Variants in PHACTR1 observed in about 807,000 individuals in gnomAD.
PHACTR1 encodes the protein RPEL repeat containing 1.
In PHACTR1, 16 loss-of-function variants were observed where a neutral mutation model predicts 69.2. The observed-to-expected ratio is 0.23, with a 90% CI of 0.16 to 0.35. PHACTR1 has a LOEUF of 0.35. PHACTR1 is among the 10% of genes least tolerant of loss of function. The pLI is 1.00. For synonymous variants in PHACTR1, 312 were observed against 284.5 expected (o/e 1.10, Z -0.97); for missense variants, 510 against 734.7 (o/e 0.69, Z 3.54).
chr6:13,210,142 G>A (rs1406503145), intron 8 of PHACTR1, among the ~76,000 whole-genome samples: 1 of 151,990 alleles, frequency 6.6e-6, no homozygotes, highest in Non-Finnish European at 1.5e-5. Flanking sequence ...TGAGTAGCTG[G>A]GATCACGGGT....
chr6:12,911,073 A>G (rs933819659), intron 4 of PHACTR1, among the ~76,000 whole-genome samples: 1 of 152,204 alleles, frequency 6.6e-6, no homozygotes, highest in African/African-American at 2.4e-5. Flanking sequence ...TCACAACCTC[A>G]CAAACAGTTT....
At chr6:12,933,817 G>C in intron 4 of PHACTR1, 2 of 1,612,790 alleles carry the variant, frequency 1.2e-6, no homozygotes, top group Non-Finnish European at 1.7e-6. Flanking sequence ...TCTCTACTCA[G>C]GGTATGAGCC....
intron 4 of PHACTR1, among the ~76,000 whole-genome samples, chr6:12,867,588 G>A (rs1018090989): frequency 1.3e-5 from 2 of 152,138 alleles, no homozygotes; most frequent in African/African-American, 4.8e-5. Context: ...AATGAATGGA[G>A]GAATTAGAAT....
chr6:12,800,906 AAAAG>A (rs1038420951), intron 4 of PHACTR1, among the ~76,000 whole-genome samples: 15 of 151,902 alleles, frequency 9.9e-5, no homozygotes, highest in African/African-American at 3.4e-4. Flanking sequence ...AAAGAAAAAA[AAAAG>A]AAGGAAGATA....
chr6:13,088,672 C>T (rs879689797), intron 5 of PHACTR1, among the ~76,000 whole-genome samples: 4 of 152,166 alleles, frequency 2.6e-5, no homozygotes, highest in Non-Finnish European at 1.5e-5. Context: ...ACCCTAGTTT[C>T]TGTATAAGAT....
chr6:13,239,114 T>G (rs532848011), intron 10 of PHACTR1, among the ~76,000 whole-genome samples: 9 of 152,232 alleles, frequency 5.9e-5, no homozygotes, highest in African/African-American at 2.2e-4. Context: ...GCCCTGGTAT[T>G]CGCTCATCTT....
At chr6:13,134,860 C>G (rs1821302007) in intron 5 of PHACTR1, among the ~76,000 whole-genome samples, 2 of 150,382 alleles carry the variant, frequency 1.3e-5, no homozygotes, top group African/African-American at 4.9e-5. Flanking sequence ...GACTCTACGT[C>G]CATTTCAGGG....
chr6:13,113,280 G>A (rs1817318090), intron 5 of PHACTR1, among the ~76,000 whole-genome samples: 1 of 152,122 alleles, frequency 6.6e-6, no homozygotes, highest in African/African-American at 2.4e-5. Flanking sequence ...GAAGAAGTAG[G>A]AATCTGAGTA....
chr6:12,942,148 A>T (rs756434146), intron 4 of PHACTR1, among the ~76,000 whole-genome samples: 1 of 152,214 alleles, frequency 6.6e-6, no homozygotes, highest in Non-Finnish European at 1.5e-5. Flanking sequence ...ACCCTTGAGG[A>T]AACAGAATAT....
chr6:13,088,045 G>A (rs1038861001), intron 5 of PHACTR1, among the ~76,000 whole-genome samples: 2 of 152,096 alleles, frequency 1.3e-5, no homozygotes, highest in African/African-American at 4.8e-5. Flanking sequence ...AGGTAAGAGA[G>A]AAGAGTGTTC....
At chr6:12,775,187 G>A (rs555355143) in intron 4 of PHACTR1, among the ~76,000 whole-genome samples, 11 of 152,126 alleles carry the variant, frequency 7.2e-5, no homozygotes, top group East Asian at 5.8e-4. Context: ...CACACATGCT[G>A]TACCACATTT....
At chr6:13,023,808 G>A (rs572965085) in intron 4 of PHACTR1, among the ~76,000 whole-genome samples, 4 of 152,246 alleles carry the variant, frequency 2.6e-5, no homozygotes, top group Non-Finnish European at 5.9e-5. Flanking sequence ...CGGGCACAAT[G>A]GCTCATGCCT....
At position 13,227,813 on chromosome 6, in the gene PHACTR1, C is replaced by T. The variant is rs747305423; in HGVS notation, c.987-3C>T. ...TTCCTCTTTCCTCCTTGTCTTTAAA[C>T]AGCTCTGAGCAGCGGGTCCCCTGTT... On this transcript the variant is annotated splice_region_variant and splice_polypyrimidine_tract_variant and intron_variant, in intron 8 of 14. Coordinates refer to ENST00000332995, the MANE Select transcript of PHACTR1 (RefSeq NM_030948.6). 2.5e-6 allele frequency: 4 copies of T among 1,611,950 alleles called. No homozygotes were observed. Among genetic ancestry groups the T allele is most frequent in the Admixed American group, 3.3e-5 (2 of 59,838 alleles).
intron 3 of PHACTR1, among the ~76,000 whole-genome samples, chr6:12,730,986 T>TTTTATTTATTTATTTA (rs10648753): frequency 1.3e-3 from 177 of 137,990 alleles, no homozygotes; most frequent in East Asian, 3.4e-3. Context: ...ATATTACCTT[T>TTTTATTTATTTATTTA]TTTATTTATT....
At chr6:12,913,306 T>G (rs964469051) in intron 4 of PHACTR1, among the ~76,000 whole-genome samples, 3 of 152,180 alleles carry the variant, frequency 2.0e-5, no homozygotes, top group Non-Finnish European at 4.4e-5. Context: ...CAAGAGCACT[T>G]AAAATGTCAA....
intron 10 of PHACTR1, among the ~76,000 whole-genome samples, chr6:13,260,963 G>A (rs1205413360): frequency 6.6e-6 from 1 of 152,202 alleles, no homozygotes; most frequent in East Asian, 1.9e-4. Flanking sequence ...TCTTTGTGGT[G>A]GGGGCTGTCC....
intron 6 of PHACTR1, among the ~76,000 whole-genome samples, chr6:13,163,309 C>T (rs533397670): frequency 4.6e-5 from 7 of 152,268 alleles, no homozygotes; most frequent in African/African-American, 1.7e-4. Flanking sequence ...GAGGGAAGGA[C>T]CAGTCTAGTC....
chr6:12,831,041 G>A (rs6915585), intron 4 of PHACTR1, among the ~76,000 whole-genome samples: 17,306 of 152,138 alleles, frequency 0.11, 1,110 homozygotes, highest in East Asian at 0.18. Flanking sequence ...ATTTTAAAAA[G>A]TTGAATTCCA....
chr6:12,722,105 C>T (rs993669429), intron 3 of PHACTR1, among the ~76,000 whole-genome samples: 11 of 152,204 alleles, frequency 7.2e-5, no homozygotes, highest in African/African-American at 2.7e-4. Context: ...TTGATTACTT[C>T]TTCTAAAAAG....
Sources: gnomAD v4.1 joint callset for allele counts (sites outside exome capture counted in the v4.1 genomes callset) on GRCh38, gnomAD v4.1.1 for gene constraint, MANE v1.5 for transcripts, NCBI Gene and HGNC (gene_info 2026-07-23, HGNC 2026-07-21) for gene names.